MAP2K1: variants seen among roughly 807,000 people sequenced by gnomAD.
MAP2K1 encodes the protein mitogen-activated protein kinase kinase 1.
MAP2K1 carries 16 observed loss-of-function variants against 46.3 expected under a neutral mutation model. That is an observed-to-expected ratio of 0.35 (90% confidence interval 0.23 to 0.52). MAP2K1 has a LOEUF of 0.52. Ranked by LOEUF, MAP2K1 falls within the 20% of genes least tolerant of loss-of-function variation. MAP2K1 has a pLI of 0.94. For missense variants in MAP2K1, 263 were observed against 497.1 expected (o/e 0.53, Z 4.48); for synonymous variants, 183 against 185.6 (o/e 0.99, Z 0.11).
chr15:66,390,327 G>T (rs1018960773), intron 1 of MAP2K1, among the ~76,000 whole-genome samples: 9 of 152,154 alleles, frequency 5.9e-5, no homozygotes, highest in Non-Finnish European at 1.0e-4. Flanking sequence ...TCCCTATCTT[G>T]GGCTACCAGC....
intron 2 of MAP2K1, 59 bp downstream of exon 2, chr15:66,435,296 G>C: frequency 7.2e-7 from 1 of 1,383,016 alleles, no homozygotes; most frequent in Non-Finnish European, 1.0e-6. Flanking sequence ...TAGAAGCCTG[G>C]GGACCAGGGT....
chr15:66,440,838 A>C (rs1014758851), intron 3 of MAP2K1, among the ~76,000 whole-genome samples: 1 of 152,186 alleles, frequency 6.6e-6, no homozygotes, highest in Non-Finnish European at 1.5e-5. Flanking sequence ...GTTGCAGGCA[A>C]CCCTGGGGAA....
At position 66,387,257 on chromosome 15, in the gene MAP2K1, T is replaced by G; in HGVS notation, c.-91T>G. Reference sequence around the variant, plus strand: ...CCCGGGGCCCGCGGCCCGGACTTGGTCCTGCGCAGCGGGCGCGGGGCAGCG... The same window carrying G: ...CCCGGGGCCCGCGGCCCGGACTTGGGCCTGCGCAGCGGGCGCGGGGCAGCG... On this transcript the variant is annotated 5_prime_UTR_variant, in exon 1 of 11. Transcript: ENST00000307102. 8.5e-7 allele frequency: 1 copy of G among 1,183,104 alleles called. No individual in the cohort carries two copies. The highest frequency in any genetic ancestry group is 1.2e-6 in the Non-Finnish European group (1 of 819,184). The allele number at this position is 1,183,104 out of a possible 1,614,324, so 73.3% of individuals were successfully genotyped here. A position where few individuals can be genotyped will look rare whatever the true frequency, so the allele number is the denominator to read the frequency against.
chr15:66,389,567 T>C (rs1383358534), intron 1 of MAP2K1, among the ~76,000 whole-genome samples: 3 of 139,824 alleles, frequency 2.1e-5, no homozygotes, highest in Non-Finnish European at 4.6e-5. Context: ...CCTAGCTCTG[T>C]TGTGGTTTTT....
chr15:66,486,414 T>TG (rs1595886754), intron 7 of MAP2K1, among the ~76,000 whole-genome samples: 1 of 152,082 alleles, frequency 6.6e-6, no homozygotes, highest in Admixed American at 6.6e-5. Context: ...TGACAACCAC[T>TG]AATCTACTTT....
intron 1 of MAP2K1, among the ~76,000 whole-genome samples, chr15:66,429,443 G>T (rs954762909): frequency 1.1e-4 from 17 of 152,074 alleles, no homozygotes; most frequent in Admixed American, 9.2e-4. Context: ...ATGAGATTTG[G>T]GTGGGAACGC....
At chr15:66,427,774 G>C (rs117672593) in intron 1 of MAP2K1, among the ~76,000 whole-genome samples, 4,253 of 151,940 alleles carry the variant, frequency 0.028, 65 homozygotes, top group Non-Finnish European at 0.039. Context: ...CCAGCACTTT[G>C]GGACGCTGAG....
chr15:66,447,767 A>G (rs1021148583), intron 5 of MAP2K1, among the ~76,000 whole-genome samples: 6 of 152,066 alleles, frequency 3.9e-5, no homozygotes, highest in African/African-American at 1.4e-4. Context: ...TATAGTTCAG[A>G]GGCATTAAGT....
At chr15:66,426,424 A>T (rs2093459256) in intron 1 of MAP2K1, among the ~76,000 whole-genome samples, 1 of 152,184 alleles carries the variant, frequency 6.6e-6, no homozygotes, top group Non-Finnish European at 1.5e-5. Context: ...CAACAAAAAA[A>T]TTAGCATGTA....
chr15:66,467,340 G>T (rs1892493162), intron 5 of MAP2K1, among the ~76,000 whole-genome samples: 1 of 152,144 alleles, frequency 6.6e-6, no homozygotes, highest in South Asian at 2.1e-4. Flanking sequence ...AGCTGTCCTT[G>T]TTCATTCCTG....
rs143830560 is a variant in MAP2K1 at position 66,469,723 on chromosome 15, C to CACACAT, written c.569-12031_569-12030insCACATA. Reference sequence around the variant, plus strand: ...ACACACACACACACACACACACACACATATCGGATGTTAGCTTTTAATTAA... The same window carrying CACACAT: ...ACACACACACACACACACACACACACACACATATATCGGATGTTAGCTTTTAATTAA... On this transcript the variant is annotated intron_variant, in intron 5 of 10. Transcript: ENST00000307102. 2.9e-3 allele frequency among the ~76,000 whole-genome samples: 386 copies of CACACAT among 134,546 alleles called. 11 individuals are homozygous for CACACAT. The highest frequency in any genetic ancestry group is 3.9e-3 in the Non-Finnish European group (247 of 63,220). 88.3% of individuals were successfully genotyped at this position (134,546 alleles called of 152,430 possible).
intron 5 of MAP2K1, among the ~76,000 whole-genome samples, chr15:66,449,938 C>A (rs1163051605): frequency 6.7e-6 from 1 of 149,034 alleles, no homozygotes; most frequent in Non-Finnish European, 1.5e-5. Flanking sequence ...AGCTTATCCA[C>A]CATGATCAAG....
Position 66,389,307 on chromosome 15 carries a change from G to A in MAP2K1, c.80+1880G>A, listed in dbSNP as rs76038624. Among the ~76,000 whole-genome samples the A allele has an allele frequency of 2.9e-3, 446 of 152,312 alleles. 2 individuals are homozygous for A. Among genetic ancestry groups the A allele is most frequent in the African/African-American group, 0.01 (432 of 41,574 alleles). On this transcript the variant is annotated intron_variant, in intron 1 of 10. Coordinates refer to ENST00000307102, the MANE Select transcript of MAP2K1 (RefSeq NM_002755.4). ...TTTGACCACAGTGGATTCTGGCTGA[G>A]TGTTATGGCCTCATTATCCTTTCCT...
chr15:66,485,586 C>A (rs548329866), intron 7 of MAP2K1, among the ~76,000 whole-genome samples: 2 of 151,510 alleles, frequency 1.3e-5, no homozygotes, highest in South Asian at 4.2e-4. Context: ...AATTTATTTG[C>A]GGGGGTTGGG....
intron 1 of MAP2K1, among the ~76,000 whole-genome samples, chr15:66,392,246 T>G (rs1408796479): frequency 3.0e-5 from 2 of 66,186 alleles, no homozygotes; most frequent in East Asian, 4.0e-4. Flanking sequence ...ATTTGTGTGT[T>G]TTTTTTGGGT....
In MAP2K1 at chr15:66,477,075, A is replaced by C. The variant is rs531493926; in HGVS notation, c.569-4680A>C. On this transcript the variant is annotated intron_variant, in intron 5 of 10. Coordinates refer to ENST00000307102, the MANE Select transcript of MAP2K1 (RefSeq NM_002755.4). Reference sequence around the variant, plus strand: ...GCTCCCAGGACCAATGTGGTCTAGCAGTGAAAAGCCCCTCAGAATTTCCCT... The same window carrying C: ...GCTCCCAGGACCAATGTGGTCTAGCCGTGAAAAGCCCCTCAGAATTTCCCT... Among the ~76,000 whole-genome samples the C allele has an allele frequency of 3.3e-5, 5 of 152,286 alleles. No individual in the cohort carries two copies. The East Asian group carries it at 9.7e-4, about 29-fold the overall frequency.
At chr15:66,434,899 C>T (rs2093483573) in intron 1 of MAP2K1, 128 bp from the exon 2 acceptor site, 2 of 760,080 alleles carry the variant, frequency 2.6e-6, no homozygotes, top group Non-Finnish European at 4.7e-6. Context: ...AGGGGGCCTC[C>T]TCTCTAGCCT....
intron 3 of MAP2K1, among the ~76,000 whole-genome samples, chr15:66,440,390 C>A (rs1366255739): frequency 6.6e-6 from 1 of 152,180 alleles, no homozygotes; most frequent in Admixed American, 6.5e-5. Context: ...CCACGCCTGG[C>A]CCTGGGAATG....
At chr15:66,455,109 T>C (rs1305009462) in intron 5 of MAP2K1, among the ~76,000 whole-genome samples, 1 of 152,070 alleles carries the variant, frequency 6.6e-6, no homozygotes. Context: ...GGCTCAGTGA[T>C]CTCCCAGAGG....
Sources: allele counts gnomAD v4.1 joint callset (sites outside exome capture counted in the v4.1 genomes callset), GRCh38; gene constraint gnomAD v4.1.1; transcripts MANE v1.5; gene names NCBI Gene and HGNC (gene_info 2026-07-23, HGNC 2026-07-21).